OTUD7A: variants seen among roughly 807,000 people sequenced by gnomAD.
OTUD7A encodes OTU deubiquitinase 7A.
A neutral mutation model predicts 65.7 loss-of-function variants in OTUD7A; 12 were observed. The ratio of observed to expected loss-of-function variants is 0.18; its 90% CI spans 0.12 to 0.30. OTUD7A has a LOEUF of 0.30. Ranked by LOEUF, OTUD7A falls within the 10% of genes least tolerant of loss-of-function variation. OTUD7A has a pLI of 1.00. For missense variants in OTUD7A, 1,148 were observed against 1,304.8 expected, an observed-to-expected ratio of 0.88 and a Z score of 1.85; for synonymous variants, 641 against 586.3, an observed-to-expected ratio of 1.09 and a Z score of -1.35.
intron 5 of OTUD7A, among the ~76,000 whole-genome samples, chr15:31,532,491 C>T (rs1887659174): frequency 6.6e-6 from 1 of 150,954 alleles, no homozygotes; most frequent in Non-Finnish European, 1.5e-5. Flanking sequence ...AAAGGTATAA[C>T]ATAGAAATCA....
intron 1 of OTUD7A, among the ~76,000 whole-genome samples, chr15:31,735,932 C>T (rs1384453598): frequency 6.6e-6 from 1 of 152,122 alleles, no homozygotes; most frequent in African/African-American, 2.4e-5. Context: ...GAGCTGGAGG[C>T]CATTATCCTT....
chr15:31,591,180 T>C (rs1243905819), intron 3 of OTUD7A, among the ~76,000 whole-genome samples: 3 of 151,876 alleles, frequency 2.0e-5, no homozygotes, highest in Admixed American at 6.6e-5. Flanking sequence ...AAAACCACCA[T>C]CTGCATAGAG....
intron 3 of OTUD7A, among the ~76,000 whole-genome samples, chr15:31,573,359 T>C (rs1053560925): frequency 6.6e-6 from 1 of 152,144 alleles, no homozygotes; most frequent in African/African-American, 2.4e-5. Context: ...AGAAAATTAA[T>C]AGAGGATGAA....
At chr15:31,661,396 C>A (rs1894686447) in intron 1 of OTUD7A, among the ~76,000 whole-genome samples, 1 of 152,182 alleles carries the variant, frequency 6.6e-6, no homozygotes, top group African/African-American at 2.4e-5. Context: ...ACATTCCAGT[C>A]TCTCTACTCT....
At chr15:31,597,388 C>T (rs911871452) in intron 3 of OTUD7A, among the ~76,000 whole-genome samples, 5 of 151,972 alleles carry the variant, frequency 3.3e-5, no homozygotes, top group African/African-American at 1.2e-4. Flanking sequence ...CTTCTAGAAG[C>T]TTTTTAGGTT....
In OTUD7A at chr15:31,512,543, A is replaced by G. The variant is rs2041771463; in HGVS notation, c.894-8725T>C. 1.3e-5 allele frequency among the ~76,000 whole-genome samples: 2 copies of G among 152,232 alleles called. 1 individual carries two copies. Among genetic ancestry groups the G allele is most frequent in the Admixed American group, 1.3e-4 (2 of 15,278 alleles). On this transcript the variant is annotated intron_variant, in intron 8 of 12. Coordinates refer to ENST00000307050, the MANE Select transcript of OTUD7A (RefSeq NM_001382637.1). ...TATATTGAATAAAGGAGACAGGGTCATTTATAACCTGACGTGTCCACCTTA... is the reference window on the plus strand; with the variant it reads ...TATATTGAATAAAGGAGACAGGGTCGTTTATAACCTGACGTGTCCACCTTA...
chr15:31,519,475 AAAC>A (rs1428947394), intron 8 of OTUD7A, among the ~76,000 whole-genome samples: 1 of 152,222 alleles, frequency 6.6e-6, no homozygotes, highest in Non-Finnish European at 1.5e-5. Context: ...AATCCTCAAC[AAAC>A]TAGGCATAGA....
chr15:31,781,979 A>C (rs945554213), intron 1 of OTUD7A, among the ~76,000 whole-genome samples: 10 of 152,234 alleles, frequency 6.6e-5, no homozygotes, highest in Non-Finnish European at 1.3e-4. Flanking sequence ...AGAATTGAAC[A>C]CAGTTATAAA....
At chr15:31,833,693 C>G (rs1896988885) in intron 1 of OTUD7A, among the ~76,000 whole-genome samples, 1 of 152,350 alleles carries the variant, frequency 6.6e-6, no homozygotes, top group Admixed American at 6.5e-5. Flanking sequence ...CTTTTAGAAC[C>G]AGGCTAGATT....
chr15:31,689,435 G>C (rs558843338), intron 1 of OTUD7A: 1 of 147,844 alleles, frequency 6.8e-6, no homozygotes, highest in African/African-American at 2.5e-5. Flanking sequence ...GCTGGAAATG[G>C]CCCATTGTTG....
intron 1 of OTUD7A, among the ~76,000 whole-genome samples, chr15:31,719,559 T>C (rs1311692926): frequency 7.2e-5 from 11 of 152,164 alleles, no homozygotes; most frequent in Admixed American, 7.2e-4. Context: ...CTTGGCACTG[T>C]TCCTCTGCTA....
At position 31,655,196 on chromosome 15, in the gene OTUD7A, T is replaced by C. The variant is rs764414065; in HGVS notation, c.51A>G (p.Ala17=). The change falls in exon 3 of 13, where the codon GCA becomes GCG. Residue 17 remains alanine, a synonymous_variant. Transcript: ENST00000307050. ...PNPTSAECWA[A]LLHDPMTLDM... ...CAAGAGTCATAGGATCATGTAGAAG[T>C]GCTGCCCAACACTCAGCCGAGGTGG... The C allele has an allele frequency of 1.4e-5, 21 of 1,540,812 alleles. No individual in the cohort carries two copies. In the Middle Eastern group the frequency reaches 5.1e-4, roughly 37 times the overall value.
At chr15:31,527,363 A>G in intron 6 of OTUD7A, 55 bp from the exon 7 acceptor site, 1 of 1,586,474 alleles carries the variant, frequency 6.3e-7, no homozygotes, top group East Asian at 2.2e-5. Flanking sequence ...AGAAAAGACA[A>G]GCCAGAGGTG....
chr15:31,753,704 A>AT (rs1894713574), intron 1 of OTUD7A, among the ~76,000 whole-genome samples: 5 of 15,318 alleles, frequency 3.3e-4, no homozygotes, highest in Admixed American at 5.9e-4. Context: ...TATATATATT[A>AT]TATATATATA....
chr15:31,641,563 A>C (rs1891518097), intron 3 of OTUD7A, among the ~76,000 whole-genome samples: 1 of 152,140 alleles, frequency 6.6e-6, no homozygotes, highest in Non-Finnish European at 1.5e-5. Flanking sequence ...GAGTCTTTTG[A>C]CCCATGGATA....
chr15:31,603,194 A>G (rs1890133953), intron 3 of OTUD7A, among the ~76,000 whole-genome samples: 1 of 152,232 alleles, frequency 6.6e-6, no homozygotes, highest in African/African-American at 2.4e-5. Flanking sequence ...TTCAAACTGT[A>G]CTACAAGGCT....
intron 1 of OTUD7A, among the ~76,000 whole-genome samples, chr15:31,804,996 C>T (rs922218013): frequency 6.6e-6 from 1 of 152,194 alleles, no homozygotes; most frequent in African/African-American, 2.4e-5. Flanking sequence ...AGGAAGAAGA[C>T]AGGCATCAGA....
At chr15:31,736,572 C>T (rs1894198742) in intron 1 of OTUD7A, among the ~76,000 whole-genome samples, 1 of 152,108 alleles carries the variant, frequency 6.6e-6, no homozygotes, top group Admixed American at 6.5e-5. Flanking sequence ...CACACTGAAG[C>T]TGTGCCGACC....
At chr15:31,799,162 G>A (rs1478291279) in intron 1 of OTUD7A, among the ~76,000 whole-genome samples, 2 of 152,224 alleles carry the variant, frequency 1.3e-5, no homozygotes, top group Non-Finnish European at 2.9e-5. Flanking sequence ...GGTGAATCCA[G>A]CAAAGACACG....
Sources: allele counts gnomAD v4.1 joint callset (sites outside exome capture counted in the v4.1 genomes callset), GRCh38; gene constraint gnomAD v4.1.1; transcripts MANE v1.5; gene names NCBI Gene and HGNC (gene_info 2026-07-23, HGNC 2026-07-21).